The following ITGA9 variants were observed in gnomAD, a reference collection of about 807,000 sequenced individuals.
ITGA9 encodes integrin subunit alpha 9.
In ITGA9, 56 loss-of-function variants were observed where a neutral mutation model predicts 127.8. The observed-to-expected ratio is 0.44, with a 90% CI of 0.35 to 0.55. ITGA9 has a LOEUF of 0.55. Ranked by LOEUF, ITGA9 falls within the 20% of genes least tolerant of loss-of-function variation. The probability of loss-of-function intolerance (pLI) is 0.00; values close to 1 mark genes in which losing one functional copy is unlikely to be tolerated. For missense variants in ITGA9, 1,196 were observed against 1,347.1 expected (o/e 0.89, Z 1.76); for synonymous variants, 508 against 514.5 (o/e 0.99, Z 0.17).
intron 18 of ITGA9, among the ~76,000 whole-genome samples, chr3:37,685,732 A>G (rs1181293780): frequency 6.6e-6 from 1 of 152,044 alleles, no homozygotes; most frequent in Non-Finnish European, 1.5e-5. Context: ...CTATTTCCAG[A>G]CTTAGAAATA....
chr3:37,467,620 C>T (rs547575896), intron 1 of ITGA9, among the ~76,000 whole-genome samples: 1 of 152,294 alleles, frequency 6.6e-6, no homozygotes, highest in South Asian at 2.1e-4. Context: ...TTTTCCCTTC[C>T]CTCGGACGTG....
intron 5 of ITGA9, among the ~76,000 whole-genome samples, chr3:37,501,849 G>A (rs2125569318): frequency 6.6e-6 from 1 of 152,328 alleles, no homozygotes; most frequent in Non-Finnish European, 1.5e-5. Flanking sequence ...TAGGCATGCA[G>A]TCTGAGGGGG....
intron 15 of ITGA9, among the ~76,000 whole-genome samples, chr3:37,606,440 TTA>T (rs1305691147): frequency 6.6e-6 from 1 of 152,144 alleles, no homozygotes; most frequent in Admixed American, 6.5e-5. Flanking sequence ...ATATATTGAA[TTA>T]TGAGTCATTT....
In ITGA9 at chr3:37,452,372, G is replaced by GGGAT; in HGVS notation, c.1_4dup. The GGGAT allele has an allele frequency of 8.1e-7, 1 of 1,232,844 alleles. No individual in the cohort carries two copies. The highest frequency in any genetic ancestry group is 1.6e-5 in the African/African-American group (1 of 62,528). The allele number at this position is 1,232,844 out of a possible 1,614,324, so 76.4% of individuals were successfully genotyped here. On this transcript the variant is annotated 5_prime_UTR_variant, in exon 1 of 28. In the 5' UTR this introduces an upstream ATG that the reference lacks. Coordinates refer to ENST00000264741, the MANE Select transcript of ITGA9 (RefSeq NM_002207.3). This position sits in a 1 kb window ranked among gnomAD's most constrained non-coding sequence, Gnocchi z 7.3. The stretch of plus-strand genomic sequence containing the variant: ...CAGAGGGGAAGGCGGCGGCCGGCTG[G>GGGAT]GGATGGGCGGCCCGGCTGCGCCGAG...
intron 15 of ITGA9, among the ~76,000 whole-genome samples, chr3:37,594,734 A>C (rs1699852902): frequency 6.6e-6 from 1 of 152,178 alleles, no homozygotes; most frequent in African/African-American, 2.4e-5. Context: ...ACAACGCTTA[A>C]TAGAGTACTT....
At chr3:37,536,717 A>T (rs1699211559) in intron 14 of ITGA9, among the ~76,000 whole-genome samples, 1 of 152,254 alleles carries the variant, frequency 6.6e-6, no homozygotes. Flanking sequence ...TAGCCTCTGT[A>T]AATACTGTAG....
chr3:37,452,651 A>G lies in ITGA9; in HGVS notation c.185+92A>G. ...CGCCGCCGCCTTTCCGGTCTCTTCC[A>G]CGCCGCCGTCCCGAGGGGGCGATTT... is the stretch of plus-strand genomic sequence containing the variant. On this transcript the variant is annotated intron_variant, in intron 1 of 27. Coordinates refer to ENST00000264741, the MANE Select transcript of ITGA9 (RefSeq NM_002207.3). This position sits in a 1 kb window ranked among gnomAD's most constrained non-coding sequence, Gnocchi z 7.3. The G allele has an allele frequency of 8.6e-7, 1 of 1,161,792 alleles. No homozygotes were observed. Among genetic ancestry groups the G allele is most frequent in the Non-Finnish European group, 1.1e-6 (1 of 876,000 alleles). 72.0% of individuals were successfully genotyped at this position (1,161,792 alleles called of 1,614,324 possible).
Position 37,526,060 on chromosome 3 carries a change from G to A in ITGA9, c.1362G>A (p.Val454=). Residue 454 remains valine (V), a synonymous_variant, in exon 13 of 28, where the codon GTG becomes GTA. Transcript: ENST00000264741. ...VTVGAFMSDS[V]VLLRARPVIT... is the part of the protein sequence containing the mutation. ...TTGGAGCCTTCATGTCCGACAGCGT[G>A]GTTCTTCTCAGGTGAGAGGCCCCAC... 6.2e-7 allele frequency: 1 copy of A among 1,614,020 alleles called. No individual in the cohort carries two copies. Among genetic ancestry groups the A allele is most frequent in the African/African-American group, 1.3e-5 (1 of 75,038 alleles).
chr3:37,671,998 GT>G (rs1272632747), intron 17 of ITGA9, among the ~76,000 whole-genome samples: 14 of 152,126 alleles, frequency 9.2e-5, no homozygotes, highest in African/African-American at 3.4e-4. Flanking sequence ...CTTAATTAAT[GT>G]TGCTGTTTGG....
chr3:37,771,355 G>A lies in ITGA9; in HGVS notation c.2542-6037G>A, dbSNP rs574009797. Reference sequence around the variant, plus strand: ...GGATAGTCAGTAATTGTTTATCTGTGTGATGAGATAAGGTAGTCCCCTGCT... The same window carrying A: ...GGATAGTCAGTAATTGTTTATCTGTATGATGAGATAAGGTAGTCCCCTGCT... On this transcript the variant is annotated intron_variant, in intron 23 of 27. Coordinates refer to ENST00000264741, the MANE Select transcript of ITGA9 (RefSeq NM_002207.3). Among the ~76,000 whole-genome samples the A allele has an allele frequency of 2.0e-5, 3 of 152,310 alleles. No individual in the cohort carries two copies. In the South Asian group the frequency reaches 6.2e-4, roughly 32 times the overall value.
chr3:37,692,313 GA>G, intron 18 of ITGA9, among the ~76,000 whole-genome samples: 1 of 152,122 alleles, frequency 6.6e-6, no homozygotes, highest in South Asian at 2.1e-4. Flanking sequence ...AATAAGGCAA[GA>G]ATATAAAACA....
chr3:37,818,794 T>G (rs1697474080), intron 27 of ITGA9, 97 bp from the exon 28 acceptor site: 5 of 859,164 alleles, frequency 5.8e-6, no homozygotes, highest in Non-Finnish European at 1.0e-5. Flanking sequence ...GCCCTGTGAG[T>G]GCAGGTCACA....
intron 2 of ITGA9, 107 bp downstream of exon 2, chr3:37,471,241 T>C: frequency 8.1e-7 from 1 of 1,238,524 alleles, no homozygotes; most frequent in Non-Finnish European, 1.2e-6. Flanking sequence ...CATCCTTCCC[T>C]CCTTCCCTCC....
chr3:37,688,661 A>G (rs1700802563), intron 18 of ITGA9, among the ~76,000 whole-genome samples: 1 of 152,078 alleles, frequency 6.6e-6, no homozygotes, highest in Admixed American at 6.5e-5. Flanking sequence ...ATCAGTCGCC[A>G]CTTAATACCA....
At position 37,817,001 on chromosome 3, in the gene ITGA9, A is replaced by G. The variant is rs770970476; in HGVS notation, c.3010-1890A>G. Among the ~76,000 whole-genome samples, 182 of 152,238 alleles carry G rather than the reference A, an allele frequency of 1.2e-3. 1 individual carries two copies. Among genetic ancestry groups the G allele is most frequent in the Non-Finnish European group, 1.8e-3 (123 of 68,052 alleles). On this transcript the variant is annotated intron_variant, in intron 27 of 27. Transcript: ENST00000264741. ...ACAGTTCTCGTCTTTGGCTTGGCCA[A>G]TAAACCCCCTTTAGGGAAGTAGAAA... is the stretch of plus-strand genomic sequence containing the variant.
At chr3:37,609,105 C>T (rs574773996) in intron 15 of ITGA9, among the ~76,000 whole-genome samples, 2 of 152,302 alleles carry the variant, frequency 1.3e-5, no homozygotes, top group South Asian at 4.1e-4. Flanking sequence ...CTCTGTCTGC[C>T]CTGCCTGTGA....
At chr3:37,801,394 T>C (rs1697233475) in intron 26 of ITGA9, among the ~76,000 whole-genome samples, 1 of 152,212 alleles carries the variant, frequency 6.6e-6, no homozygotes, top group South Asian at 2.1e-4. Context: ...ATTTAGCATT[T>C]GGTATGTGAA....
intron 11 of ITGA9, among the ~76,000 whole-genome samples, chr3:37,522,763 A>G (rs1173167926): frequency 2.0e-5 from 3 of 151,990 alleles, no homozygotes; most frequent in Non-Finnish European, 4.4e-5. Context: ...TTTTTAAAAA[A>G]CATATAAAGT....
chr3:37,470,294 A>G (rs138723671), intron 1 of ITGA9, among the ~76,000 whole-genome samples: 1 of 152,190 alleles, frequency 6.6e-6, no homozygotes, highest in Non-Finnish European at 1.5e-5. Flanking sequence ...GAACTGTTGA[A>G]TAGTTTTCCC....
Sources: gnomAD v4.1 joint callset for allele counts (sites outside exome capture counted in the v4.1 genomes callset) on GRCh38, gnomAD v4.1.1 for gene constraint, Gnocchi (gnomAD v3.1) non-coding constraint, MANE v1.5 for transcripts, NCBI Gene and HGNC (gene_info 2026-07-23, HGNC 2026-07-21) for gene names.